The following CDK6 variants were observed in gnomAD, a reference collection of about 807,000 sequenced individuals.
CDK6 encodes cyclin dependent kinase 6.
CDK6 carries 6 observed loss-of-function variants against 37.1 expected under a neutral mutation model. That is an observed-to-expected ratio of 0.16 (90% CI 0.09 to 0.32). The LOEUF is 0.32. CDK6 is among the 10% of genes least tolerant of loss of function. The pLI is 1.00. For synonymous variants in CDK6, 160 were observed against 161.3 expected (o/e 0.99, Z 0.06); for missense variants, 224 against 418.9 (o/e 0.53, Z 4.06).
intron 4 of CDK6, among the ~76,000 whole-genome samples, chr7:92,672,134 C>CAT (rs372523914): frequency 0.4 from 25,885 of 65,286 alleles, 5,827 homozygotes; most frequent in African/African-American, 0.45. Flanking sequence ...AAAAGCTGTA[C>CAT]ATATATATAT....
intron 4 of CDK6, among the ~76,000 whole-genome samples, chr7:92,703,761 TTG>T (rs1046157738): frequency 6.6e-6 from 1 of 152,256 alleles, no homozygotes; most frequent in African/African-American, 2.4e-5. Context: ...TTTTTCTTGC[TTG>T]TGTCTTATTA....
intron 3 of CDK6, among the ~76,000 whole-genome samples, chr7:92,734,551 C>T (rs1161102568): frequency 6.6e-6 from 1 of 152,168 alleles, no homozygotes; most frequent in Non-Finnish European, 1.5e-5. Flanking sequence ...TGGCCTCCCA[C>T]CACATTGTAC....
intron 5 of CDK6, among the ~76,000 whole-genome samples, chr7:92,642,221 A>G (rs1205852756): frequency 6.6e-6 from 1 of 152,092 alleles, no homozygotes; most frequent in Non-Finnish European, 1.5e-5. Flanking sequence ...AGCCCTGCAT[A>G]GTTTCTTTAA....
At chr7:92,774,206 G>A (rs1799786639) in intron 3 of CDK6, among the ~76,000 whole-genome samples, 1 of 152,020 alleles carries the variant, frequency 6.6e-6, no homozygotes, top group African/African-American at 2.4e-5. Context: ...TTATGAATAA[G>A]AAAAATGAAG....
At chr7:92,734,906 T>C (rs1373970855) in intron 3 of CDK6, among the ~76,000 whole-genome samples, 2 of 152,204 alleles carry the variant, frequency 1.3e-5, no homozygotes, top group Non-Finnish European at 1.5e-5. Context: ...ATGCTTCCTA[T>C]CTTACCATCT....
rs771181567 is a variant in CDK6 at position 92,774,847 on chromosome 7, AAG to A, written c.234-18_234-17del. ...ATCAAACAACCTAGAAGAAAAAACA[AAG>A]AGGTTAAGTAGGTGGCAATAAGCAA... On this transcript the variant is annotated splice_polypyrimidine_tract_variant and intron_variant, in intron 2 of 7. Transcript: ENST00000424848. 1 of 1,604,222 alleles carries A rather than the reference AAG, an allele frequency of 6.2e-7. No homozygotes were observed. The highest frequency in any genetic ancestry group is 1.1e-5 in the South Asian group (1 of 88,556).
At chr7:92,760,602 A>T (rs1284130090) in intron 3 of CDK6, among the ~76,000 whole-genome samples, 1 of 152,202 alleles carries the variant, frequency 6.6e-6, no homozygotes, top group East Asian at 1.9e-4. Context: ...TTTGTAGGGC[A>T]AAACCAGTCA....
intron 2 of CDK6, among the ~76,000 whole-genome samples, chr7:92,799,019 CT>C (rs1205466454): frequency 6.6e-6 from 1 of 152,126 alleles, no homozygotes; most frequent in Non-Finnish European, 1.5e-5. Flanking sequence ...TTCAATTCCC[CT>C]TTAAGTGTTC....
chr7:92,805,230 C>T (rs1166121580), intron 2 of CDK6, among the ~76,000 whole-genome samples: 1 of 152,174 alleles, frequency 6.6e-6, no homozygotes, highest in Non-Finnish European at 1.5e-5. Flanking sequence ...CCTTCACCAC[C>T]ATCACGTTGC....
intron 2 of CDK6, among the ~76,000 whole-genome samples, chr7:92,823,960 C>T (rs1424712823): frequency 6.6e-6 from 1 of 151,908 alleles, no homozygotes; most frequent in Non-Finnish European, 1.5e-5. Context: ...AGCCACTGTG[C>T]CTGGCCTTCT....
At chr7:92,803,622 A>G (rs1260193698) in intron 2 of CDK6, among the ~76,000 whole-genome samples, 8 of 152,198 alleles carry the variant, frequency 5.3e-5, no homozygotes, top group Admixed American at 5.2e-4. Context: ...AGAGCTTTGG[A>G]CCACAAATCA....
intron 5 of CDK6, among the ~76,000 whole-genome samples, chr7:92,625,810 CAG>C (rs1029902268): frequency 1.4e-4 from 22 of 152,098 alleles, no homozygotes; most frequent in African/African-American, 4.6e-4. Flanking sequence ...TCATGCATAA[CAG>C]GGGATGAAAG....
intron 3 of CDK6, among the ~76,000 whole-genome samples, chr7:92,735,855 T>C (rs1798772774): frequency 6.6e-6 from 1 of 152,208 alleles, no homozygotes; most frequent in African/African-American, 2.4e-5. Context: ...TAATCCTGCA[T>C]TGTGGCTTAT....
chr7:92,689,035 G>C (rs1286852246), intron 4 of CDK6, among the ~76,000 whole-genome samples: 2 of 152,114 alleles, frequency 1.3e-5, no homozygotes, highest in Non-Finnish European at 2.9e-5. Context: ...ATTAGTGTAG[G>C]AATTATTTTT....
intron 3 of CDK6, among the ~76,000 whole-genome samples, chr7:92,728,959 C>T (rs1014797279): frequency 3.3e-5 from 5 of 152,078 alleles, no homozygotes; most frequent in African/African-American, 7.2e-5. Flanking sequence ...CTGGGGAACC[C>T]CTCTCAGTCT....
At chr7:92,830,417 C>G (rs1190475696) in intron 2 of CDK6, among the ~76,000 whole-genome samples, 1 of 152,168 alleles carries the variant, frequency 6.6e-6, no homozygotes, top group Non-Finnish European at 1.5e-5. Context: ...TAATTATGAT[C>G]AATTACTTAT....
intron 2 of CDK6, among the ~76,000 whole-genome samples, chr7:92,780,189 C>T (rs536631428): frequency 1.3e-5 from 2 of 152,234 alleles, no homozygotes; most frequent in African/African-American, 4.8e-5. Flanking sequence ...CCAGGCTGGC[C>T]TCGAACTCCT....
chr7:92,723,699 CCTT>C (rs1798419892), intron 4 of CDK6, among the ~76,000 whole-genome samples: 1 of 151,982 alleles, frequency 6.6e-6, no homozygotes, highest in African/African-American at 2.4e-5. Context: ...GTTTTAGAAT[CCTT>C]CTCAGCTGCT....
chr7:92,746,773 T>C (rs1433187469), intron 3 of CDK6, among the ~76,000 whole-genome samples: 5 of 152,180 alleles, frequency 3.3e-5, no homozygotes, highest in African/African-American at 1.2e-4. Flanking sequence ...TTTTTTTTGC[T>C]TGCCTCAATA....
Sources: allele counts gnomAD v4.1 joint callset (sites outside exome capture counted in the v4.1 genomes callset), GRCh38; gene constraint gnomAD v4.1.1; transcripts MANE v1.5; gene names NCBI Gene and HGNC (gene_info 2026-07-23, HGNC 2026-07-21).